The following DMD variants were observed in gnomAD, a reference collection of about 807,000 sequenced individuals.
DMD encodes the protein dystrophin.
DMD carries 63 observed loss-of-function variants against 330.1 expected under a neutral mutation model. The observed-to-expected ratio is 0.19, with a 90% CI of 0.16 to 0.24. DMD has a LOEUF of 0.24. Ranked by LOEUF, DMD falls within the 10% of genes least tolerant of loss-of-function variation. The pLI is 1.00. For synonymous variants in DMD, 1,223 were observed against 959.8 expected, an observed-to-expected ratio of 1.27 and a Z score of -5.07; for missense variants, 3,344 against 2,684.1, an observed-to-expected ratio of 1.25 and a Z score of -5.43.
At chrX:33,263,447 A>ATG (rs987362279) in intron 1 of DMD, among the ~76,000 whole-genome samples, 2 of 107,418 alleles carry the variant, frequency 1.9e-5, no homozygotes, top group Non-Finnish European at 3.8e-5. Flanking sequence ...AAATATATAT[A>ATG]TATATATATA....
chrX:31,483,263 G>A lies in DMD; in HGVS notation c.8548-4160C>T, dbSNP rs751840555. Among the ~76,000 whole-genome samples the A allele has an allele frequency of 1.6e-3, 174 of 109,065 alleles. 1 individual carries two copies. Among genetic ancestry groups the A allele is most frequent in the Middle Eastern group, 4.7e-3 (1 of 213 alleles). The allele number at this position is 109,065 out of a possible 115,157, so 94.7% of individuals were successfully genotyped here. On this transcript the variant is annotated intron_variant, in intron 57 of 78. Transcript: ENST00000357033. The stretch of plus-strand genomic sequence containing the variant: ...GGGTTTCACCGTGTTAGCCAGGATG[G>A]TCTCCATCTCCCAACCTCGTGATCT...
chrX:33,012,328 G>C (rs2093717580), intron 2 of DMD, among the ~76,000 whole-genome samples: 2 of 111,579 alleles, frequency 1.8e-5, no homozygotes, highest in Admixed American at 9.6e-5. Context: ...ACCAAGTGTA[G>C]ATGTTAGGGA....
Position 32,183,571 on chromosome X carries a change from AATAT to A in DMD, c.6438+33341_6438+33344del, listed in dbSNP as rs34502416. Among the ~76,000 whole-genome samples, 566 of 95,094 alleles carry A rather than the reference AATAT, an allele frequency of 6.0e-3. 6 individuals carry two copies. Among genetic ancestry groups the A allele is most frequent in the African/African-American group, 0.02 (537 of 26,716 alleles). The allele number at this position is 95,094 out of a possible 115,157, so 82.6% of individuals were successfully genotyped here. A position where few individuals can be genotyped will look rare whatever the true frequency, so the allele number is the denominator to read the frequency against. ...CTACACAAATATATATATATATATA[AATAT>A]ATATATATATATATGTATGTATACA... is the stretch of plus-strand genomic sequence containing the variant. On this transcript the variant is annotated intron_variant, in intron 44 of 78. Transcript: ENST00000357033.
intron 49 of DMD, among the ~76,000 whole-genome samples, chrX:31,833,305 AGAGGGAGAGAGG>A (rs2093104443): frequency 7.3e-5 from 4 of 54,634 alleles, no homozygotes; most frequent in African/African-American, 1.1e-4. Flanking sequence ...AGAGAGGGAG[AGAGGGAGAGAGG>A]GAGAGAGGGA....
chrX:32,337,307 C>T (rs1294049933), intron 41 of DMD, among the ~76,000 whole-genome samples: 2 of 109,229 alleles, frequency 1.8e-5, no homozygotes, highest in African/African-American at 3.3e-5. Flanking sequence ...TGCCAATTAA[C>T]GTAGATGGGG....
intron 13 of DMD, 24 bp downstream of exon 13, chrX:32,595,733 G>C (rs1172758684): frequency 8.3e-7 from 1 of 1,202,861 alleles, no homozygotes; most frequent in Non-Finnish European, 1.1e-6. Context: ...GACATATTTA[G>C]TTTACTAAGC....
intron 1 of DMD, among the ~76,000 whole-genome samples, chrX:33,100,379 T>G (rs1248308477): frequency 8.9e-6 from 1 of 112,147 alleles, no homozygotes; most frequent in Non-Finnish European, 1.9e-5. Flanking sequence ...TTAAATATCA[T>G]GTATTTCTTT....
At chrX:31,122,973 ATTGTC>A (rs1196786735) in intron 78 of DMD, among the ~76,000 whole-genome samples, 1 of 111,794 alleles carries the variant, frequency 8.9e-6, no homozygotes, top group African/African-American at 3.2e-5. Context: ...CTATTCAAGT[ATTGTC>A]TTTGGAACTG....
intron 45 of DMD, among the ~76,000 whole-genome samples, chrX:31,932,737 C>T (rs1437574001): frequency 8.9e-6 from 1 of 111,846 alleles, no homozygotes; most frequent in Non-Finnish European, 1.9e-5. Context: ...CAGAGAAAGA[C>T]TCCATCTCAA....
At chrX:33,009,672 ACG>A (rs2093591163) in intron 2 of DMD, among the ~76,000 whole-genome samples, 1 of 43,816 alleles carries the variant, frequency 2.3e-5, no homozygotes, top group African/African-American at 6.0e-5. Flanking sequence ...ATATGTGTAT[ACG>A]TATATGTGTA....
At chrX:31,821,481 C>T (rs1470872922) in intron 49 of DMD, among the ~76,000 whole-genome samples, 1 of 111,980 alleles carries the variant, frequency 8.9e-6, no homozygotes, top group Admixed American at 9.5e-5. Context: ...ATTTCATCCT[C>T]TTGCGAAACC....
At chrX:32,181,917 T>C (rs180853203) in intron 44 of DMD, among the ~76,000 whole-genome samples, 58 of 112,465 alleles carry the variant, frequency 5.2e-4, no homozygotes, top group African/African-American at 1.7e-3. Flanking sequence ...ATTGCAATTA[T>C]ACATTTCTTT....
intron 30 of DMD, among the ~76,000 whole-genome samples, chrX:32,402,895 T>G (rs1184589945): frequency 1.8e-5 from 2 of 111,647 alleles, no homozygotes; most frequent in African/African-American, 3.2e-5. Flanking sequence ...TGCTATCTAA[T>G]GAGTGGCAAG....
chrX:33,008,983 T>G (rs1452558223), intron 2 of DMD, among the ~76,000 whole-genome samples: 1 of 99,935 alleles, frequency 1.0e-5, no homozygotes, highest in Non-Finnish European at 2.0e-5. Context: ...TACACTTATG[T>G]ATATATACGT....
At chrX:31,320,014 G>A (rs2056304075) in intron 62 of DMD, among the ~76,000 whole-genome samples, 1 of 112,273 alleles carries the variant, frequency 8.9e-6, no homozygotes, top group African/African-American at 3.2e-5. Context: ...GTAACAGGTT[G>A]AACATTGTTG....
At chrX:31,943,295 T>C (rs890233600) in intron 45 of DMD, among the ~76,000 whole-genome samples, 2 of 112,283 alleles carry the variant, frequency 1.8e-5, no homozygotes, top group Non-Finnish European at 3.8e-5. Flanking sequence ...AAAATCTGTA[T>C]AATCTCTATA....
chrX:31,647,299 C>A (rs2080162390), intron 54 of DMD, among the ~76,000 whole-genome samples: 1 of 111,619 alleles, frequency 9.0e-6, no homozygotes, highest in Admixed American at 9.5e-5. Context: ...GCATAGGCCT[C>A]AGAGTTGCAG....
intron 61 of DMD, among the ~76,000 whole-genome samples, chrX:31,344,640 C>T (rs954461994): frequency 9.1e-6 from 1 of 110,243 alleles, no homozygotes; most frequent in Non-Finnish European, 1.9e-5. Flanking sequence ...CTTGAGGCCA[C>T]AAGTTCGAGA....
intron 21 of DMD, among the ~76,000 whole-genome samples, chrX:32,479,695 A>T (rs1424730167): frequency 9.1e-6 from 1 of 109,671 alleles, no homozygotes; most frequent in African/African-American, 3.3e-5. Flanking sequence ...CACTATATAT[A>T]TATGTCACTA....
Sources: allele counts gnomAD v4.1 joint callset (sites outside exome capture counted in the v4.1 genomes callset), GRCh38; gene constraint gnomAD v4.1.1; transcripts MANE v1.5; gene names NCBI Gene and HGNC (gene_info 2026-07-23, HGNC 2026-07-21).